The following ZIM2 variants were observed in gnomAD, a reference collection of about 807,000 sequenced individuals.
ZIM2 encodes the protein zinc finger imprinted 2, also known as zinc finger protein 656.
Under a neutral mutation model 38.6 loss-of-function variants are expected in ZIM2, and 14 were observed. The ratio of observed to expected loss-of-function variants is 0.36; its 90% CI spans 0.24 to 0.57. The LOEUF (loss-of-function observed/expected upper bound fraction) is 0.57. Among genes scored for constraint, ZIM2 ranks in the 20% least tolerant of loss-of-function variants. ZIM2 has a pLI of 0.81. For synonymous variants in ZIM2, 247 were observed against 245.8 expected, an observed-to-expected ratio of 1.00 and a Z score of -0.04; for missense variants, 680 against 695.1, an observed-to-expected ratio of 0.98 and a Z score of 0.24.
intron 9 of ZIM2, chr19:56,811,061 TAAGAG>T (rs1785365571): frequency 1.0e-6 from 1 of 976,710 alleles, no homozygotes. Flanking sequence ...ATGAACAAGA[TAAGAG>T]GAGAGTATAT....
chr19:56,793,683 T>C (rs537878341), intron 9 of ZIM2, among the ~76,000 whole-genome samples: 1 of 152,076 alleles, frequency 6.6e-6, no homozygotes, highest in South Asian at 2.1e-4. Context: ...CCCTCCAAAA[T>C]GTCCAAAATG....
intron 1 of ZIM2, among the ~76,000 whole-genome samples, chr19:56,838,579 GCAA>G (rs2062495885): frequency 2.6e-5 from 4 of 152,204 alleles, no homozygotes; most frequent in African/African-American, 9.6e-5. Flanking sequence ...TCTTGGTCAG[GCAA>G]CAACAGGGGA....
intron 12 of ZIM2, among the ~76,000 whole-genome samples, chr19:56,775,960 G>A (rs978630155): frequency 1.3e-5 from 2 of 152,106 alleles, no homozygotes; most frequent in South Asian, 4.2e-4. Flanking sequence ...AATTAACTGG[G>A]CATGGTGGCG....
At chr19:56,818,502 A>G (rs2060190818) in intron 8 of ZIM2, 98 bp downstream of exon 8, 3 of 1,242,900 alleles carry the variant, frequency 2.4e-6, no homozygotes, top group Middle Eastern at 2.1e-4. Context: ...AAGTCCAAAT[A>G]TATTAATGTG....
intron 2 of ZIM2, among the ~76,000 whole-genome samples, chr19:56,829,689 C>A (rs1335363938): frequency 6.6e-6 from 1 of 152,206 alleles, no homozygotes; most frequent in African/African-American, 2.4e-5. Flanking sequence ...AACCCTTAGC[C>A]TTGGATTCAA....
chr19:56,806,712 A>C (rs2047773780), intron 9 of ZIM2, among the ~76,000 whole-genome samples: 1 of 152,204 alleles, frequency 6.6e-6, no homozygotes, highest in South Asian at 2.1e-4. Flanking sequence ...CCAATCCAAC[A>C]GTACTAAGAG....
intron 9 of ZIM2, chr19:56,811,929 C>T (rs2059566663): frequency 4.1e-6 from 4 of 985,278 alleles, no homozygotes; most frequent in Non-Finnish European, 4.8e-6. Flanking sequence ...CCTTCTTTGA[C>T]TCACTCATTT....
At chr19:56,816,459 C>T in intron 9 of ZIM2, 1 of 1,613,896 alleles carries the variant, frequency 6.2e-7, no homozygotes, top group Non-Finnish European at 8.5e-7. Context: ...TTTCCTCACA[C>T]ACTTTACCCT....
intron 12 of ZIM2, among the ~76,000 whole-genome samples, chr19:56,778,634 A>G (rs1391371896): frequency 6.6e-6 from 1 of 152,200 alleles, no homozygotes; most frequent in Non-Finnish European, 1.5e-5. Context: ...GGAGAAAATG[A>G]AACTAGGTCT....
chr19:56,792,329 G>A (rs1446395974), intron 9 of ZIM2, among the ~76,000 whole-genome samples: 1 of 151,496 alleles, frequency 6.6e-6, no homozygotes, highest in African/African-American at 2.4e-5. Flanking sequence ...TCAGGAGTTC[G>A]AGACCAGCCC....
intron 9 of ZIM2, chr19:56,812,947 A>C: frequency 1.0e-6 from 1 of 985,830 alleles, no homozygotes; most frequent in Non-Finnish European, 1.2e-6. Context: ...AAAGCCTTAC[A>C]CAGTATTAGG....
intron 6 of ZIM2, 47 bp downstream of exon 6, chr19:56,822,706 C>CACAT (rs1387751239): frequency 6.2e-7 from 1 of 1,606,792 alleles, no homozygotes; most frequent in African/African-American, 1.3e-5. Flanking sequence ...CTGTGCACAG[C>CACAT]ACATGCTCTA....
intron 10 of ZIM2, among the ~76,000 whole-genome samples, chr19:56,786,428 G>A (rs1417158995): frequency 6.6e-6 from 1 of 152,078 alleles, no homozygotes; most frequent in Non-Finnish European, 1.5e-5. Flanking sequence ...ACAAACAGAT[G>A]ATGACACTAC....
rs375753042 is a variant in ZIM2 at position 56,814,423 on chromosome 19, G to A, written c.490+3323C>T. 6.2e-6 allele frequency: 10 copies of A among 1,613,778 alleles called. No homozygotes were observed. The highest frequency in any genetic ancestry group is 1.3e-5 in the African/African-American group (1 of 74,892). Reference sequence around the variant, plus strand: ...AGTGAGGACTGTGCTATGAATAAAGGACTTACCACAATCCTTGCATTCATA... The same window carrying A: ...AGTGAGGACTGTGCTATGAATAAAGAACTTACCACAATCCTTGCATTCATA... On this transcript the variant is annotated intron_variant, in intron 9 of 12. Coordinates refer to ENST00000629319, the MANE Select transcript of ZIM2 (RefSeq NM_001387356.1). This position sits in a 1 kb window ranked among gnomAD's most constrained non-coding sequence, Gnocchi z 5.8.
chr19:56,812,367 A>T, intron 9 of ZIM2: 1 of 984,850 alleles, frequency 1.0e-6, no homozygotes, highest in African/African-American at 1.7e-5. Context: ...AAAACAAATT[A>T]AGGCTGCTGG....
chr19:56,817,377 G>T (rs1183992595), intron 9 of ZIM2: 1 of 1,613,944 alleles, frequency 6.2e-7, no homozygotes, highest in Non-Finnish European at 8.5e-7. Flanking sequence ...ACTCCCTCTT[G>T]TTCAATGAAA....
chr19:56,775,135 A>T lies in ZIM2; in HGVS notation c.1230T>A (p.Ser410=). ...CATTGCAGCCAGAAGTCTTCCTACC[A>T]GAATGGGTCTTCTGATGTCTGTTGA... ...PHLNRHQKTH[S]GRKTSGCNEG... is the part of the protein sequence containing the mutation. The change falls in exon 13 of 13, where the codon TCT becomes TCA. Residue 410 remains serine (S), a synonymous_variant. Transcript: ENST00000629319. 6.2e-7 allele frequency: 1 copy of T among 1,614,198 alleles called. No homozygotes were observed. The highest frequency in any genetic ancestry group is 1.7e-5 in the Admixed American group (1 of 60,030).
chr19:56,779,018 G>A (rs370335927), intron 12 of ZIM2, among the ~76,000 whole-genome samples: 3 of 152,170 alleles, frequency 2.0e-5, no homozygotes, highest in Non-Finnish European at 4.4e-5. Context: ...CAAGTCTGAG[G>A]AGCTGATGTG....
chr19:56,813,590 C>T, intron 9 of ZIM2: 1 of 1,499,494 alleles, frequency 6.7e-7, no homozygotes, highest in African/African-American at 1.4e-5. Context: ...CTCCTACTGA[C>T]ATTATCATGG....
Sources: gnomAD v4.1 joint callset for allele counts (sites outside exome capture counted in the v4.1 genomes callset) on GRCh38, gnomAD v4.1.1 for gene constraint, Gnocchi (gnomAD v3.1) non-coding constraint, MANE v1.5 for transcripts, NCBI Gene and HGNC (gene_info 2026-07-23, HGNC 2026-07-21) for gene names.